Variants in KDM5A observed in about 807,000 individuals in gnomAD.
KDM5A encodes lysine demethylase 5A, also known as lysine-specific demethylase 5A.
KDM5A carries 42 observed loss-of-function variants against 193.5 expected under a neutral mutation model. The ratio of observed to expected loss-of-function variants is 0.22; its 90% CI spans 0.17 to 0.28. KDM5A has a LOEUF of 0.28. Among genes scored for constraint, KDM5A ranks in the 10% least tolerant of loss-of-function variants. The pLI, the probability that KDM5A is intolerant of heterozygous loss-of-function variation, is 1.00. For synonymous variants in KDM5A, 796 were observed against 718.1 expected, an observed-to-expected ratio of 1.11 and a Z score of -1.73; for missense variants, 1,692 against 2,055.1, an observed-to-expected ratio of 0.82 and a Z score of 3.42.
Position 385,974 on chromosome 12 carries a change from C to T in KDM5A, c.166G>A (p.Asp56Asn), listed in dbSNP as rs1431073400. ...TGICKIRPPK[D>N]WQPPFACEVK... The stretch of plus-strand genomic sequence containing the variant: ...TCACAGGCAAATGGAGGCTGCCAGT[C>T]CTAAATAGAAAGATTTTTTTAAAAA... The change falls in exon 2 of 28, where the codon GAC (aspartate) becomes AAC (asparagine). Residue 56 changes from aspartate (D) to asparagine (N), a missense_variant and splice_region_variant. By Grantham distance (23) the Asp-to-Asn change is conservative. This residue lies in a region of KDM5A where 120 missense variants were observed against 172.0 expected (regional missense o/e 0.70). Coordinates refer to ENST00000399788, the MANE Select transcript of KDM5A (RefSeq NM_001042603.3). The T allele has an allele frequency of 2.5e-6, 4 of 1,611,772 alleles. No homozygotes were observed. Among genetic ancestry groups the T allele is most frequent in the Non-Finnish European group, 3.4e-6 (4 of 1,178,248 alleles).
Position 330,085 on chromosome 12 carries a change from G to GTGTGTGTGTGTGTGTATATATATA in KDM5A, c.1774-1057_1774-1056insTATATATATACACACACACACACA, listed in dbSNP as rs377271333. ...TGTGTGTGTGTGTGTGTGTGTGTGTGTATATATATATATCTTATGATTAGC... is the reference window on the plus strand; with the variant it reads ...TGTGTGTGTGTGTGTGTGTGTGTGTGTGTGTGTGTGTGTGTATATATATATATATATATATATCTTATGATTAGC... On this transcript the variant is annotated intron_variant, in intron 13 of 27. Coordinates refer to ENST00000399788, the MANE Select transcript of KDM5A (RefSeq NM_001042603.3). 3.8e-3 allele frequency among the ~76,000 whole-genome samples: 530 copies of GTGTGTGTGTGTGTGTATATATATA among 139,326 alleles called. 4 individuals are homozygous for GTGTGTGTGTGTGTGTATATATATA. Among genetic ancestry groups the GTGTGTGTGTGTGTGTATATATATA allele is most frequent in the African/African-American group, 4.8e-3 (179 of 37,242 alleles). 91.4% of individuals were successfully genotyped at this position (139,326 alleles called of 152,430 possible).
rs1943521841 is a variant in KDM5A, at chr12:307,457, T to C, written c.3927A>G (p.Leu1309=). The C allele has an allele frequency of 6.2e-7, 1 of 1,612,694 alleles. No homozygotes were observed. Residue 1309 remains leucine (L), a synonymous_variant, in exon 23 of 28, where the codon TTA becomes TTG. Transcript: ENST00000399788. The surrounding 1 kb of genome is among the most constrained non-coding windows in gnomAD (Gnocchi z 4.3). ...AGAATGTAAATCCTAAACTTGCCTG[T>C]AAGTCTGGATTGGCAGCTGCTTTTT... ...ELQKAAANPD[L]QGHLPSFQQS...
intron 7 of KDM5A, 38 bp from the exon 8 acceptor site, chr12:354,272 A>G (rs1316971749): frequency 7.1e-7 from 1 of 1,413,722 alleles, no homozygotes; most frequent in Non-Finnish European, 9.8e-7. Flanking sequence ...TATTTTCTAT[A>G]ATAAATAATA....
intron 24 of KDM5A, among the ~76,000 whole-genome samples, chr12:304,273 T>C (rs1943477746): frequency 2.0e-5 from 3 of 152,306 alleles, no homozygotes; most frequent in Admixed American, 2.0e-4. Flanking sequence ...GAGGGGGCTC[T>C]TCCTCAAGCA....
intron 13 of KDM5A, 142 bp from the exon 14 acceptor site, chr12:329,171 T>C: frequency 2.7e-6 from 2 of 734,796 alleles, no homozygotes; most frequent in Admixed American, 2.2e-5. Flanking sequence ...CAATATTCTA[T>C]TAACTGTAAA....
chr12:362,607 C>T (rs952259091), intron 5 of KDM5A, among the ~76,000 whole-genome samples: 10 of 152,184 alleles, frequency 6.6e-5, no homozygotes, highest in African/African-American at 2.4e-4. Flanking sequence ...TATTTGTCAT[C>T]CCTGTCAAAA....
intron 3 of KDM5A, among the ~76,000 whole-genome samples, chr12:370,581 G>C (rs900142813): frequency 6.7e-6 from 1 of 150,216 alleles, no homozygotes; most frequent in African/African-American, 2.4e-5. Flanking sequence ...AAGTAGTATC[G>C]CTCAAGACCA....
intron 3 of KDM5A, among the ~76,000 whole-genome samples, chr12:382,955 C>T (rs961561009): frequency 4.0e-5 from 6 of 151,804 alleles, no homozygotes; most frequent in Non-Finnish European, 8.8e-5. Flanking sequence ...AAAAACATAT[C>T]TCAAGGTTAT....
intron 3 of KDM5A, among the ~76,000 whole-genome samples, chr12:379,093 T>C (rs985993252): frequency 6.6e-6 from 1 of 152,066 alleles, no homozygotes; most frequent in Non-Finnish European, 1.5e-5. Context: ...ACCATCATGC[T>C]GATGACTTAA....
intron 6 of KDM5A, among the ~76,000 whole-genome samples, chr12:355,867 C>T (rs1209522367): frequency 6.6e-6 from 1 of 152,138 alleles, no homozygotes; most frequent in Non-Finnish European, 1.5e-5. Context: ...CTTTGTTAAA[C>T]AGTTTTATAA....
chr12:305,363 T>A (rs1314420362), intron 24 of KDM5A, among the ~76,000 whole-genome samples: 1 of 152,210 alleles, frequency 6.6e-6, no homozygotes, highest in Admixed American at 6.5e-5. Context: ...AAATTCCCAT[T>A]TCTATCTTGA....
chr12:380,984 T>C (rs548379687), intron 3 of KDM5A, among the ~76,000 whole-genome samples: 64 of 116,442 alleles, frequency 5.5e-4, no homozygotes, highest in Non-Finnish European at 9.0e-4. Flanking sequence ...TTAGTAGAGA[T>C]AGGTTTTATT....
At chr12:301,263 G>A (rs1323037450) in intron 24 of KDM5A, among the ~76,000 whole-genome samples, 1 of 152,114 alleles carries the variant, frequency 6.6e-6, no homozygotes, top group Non-Finnish European at 1.5e-5. Flanking sequence ...GATGAACATC[G>A]ATGCAAAAAT....
At position 281,997 on chromosome 12, in the gene KDM5A, A is replaced by G. The variant is rs532286302; in HGVS notation, c.*3459T>C. The G allele has an allele frequency of 1.0e-5, 3 of 290,012 alleles. No individual in the cohort carries two copies. The Admixed American group carries it at 1.6e-4, about 16-fold the overall frequency. The allele number at this position is 290,012 out of a possible 1,614,324, so 18.0% of individuals were successfully genotyped here. ...TACAGCTCAGCCTGCACAGAAGCGC[A>G]GAAGCAAAGCCCAGGCAGAACCATG... On this transcript the variant is annotated 3_prime_UTR_variant, in exon 28 of 28. Coordinates refer to ENST00000399788, the MANE Select transcript of KDM5A (RefSeq NM_001042603.3).
At chr12:293,493 T>A (rs965742217) in intron 26 of KDM5A, among the ~76,000 whole-genome samples, 2 of 152,086 alleles carry the variant, frequency 1.3e-5, no homozygotes, top group Non-Finnish European at 1.5e-5. Flanking sequence ...AAAAAAGATT[T>A]ATGGGCCAGG....
At chr12:304,099 A>C (rs1051775315) in intron 24 of KDM5A, among the ~76,000 whole-genome samples, 1 of 152,212 alleles carries the variant, frequency 6.6e-6, no homozygotes, top group African/African-American at 2.4e-5. Context: ...CCTTGAAATT[A>C]GTTTCCACAA....
chr12:379,795 G>C (rs140638273), intron 3 of KDM5A, among the ~76,000 whole-genome samples: 1 of 152,130 alleles, frequency 6.6e-6, no homozygotes, highest in Non-Finnish European at 1.5e-5. Flanking sequence ...TAAGTTTTCT[G>C]AATATTTAAA....
intron 4 of KDM5A, 122 bp from the exon 5 acceptor site, chr12:363,219 C>T (rs1944314539): frequency 1.8e-6 from 2 of 1,126,976 alleles, no homozygotes; most frequent in Admixed American, 3.8e-5. Flanking sequence ...ATTTCTCAAA[C>T]TGACATACAG....
intron 3 of KDM5A, among the ~76,000 whole-genome samples, chr12:367,769 G>C (rs1426886339): frequency 1.3e-5 from 2 of 151,946 alleles, no homozygotes; most frequent in African/African-American, 4.8e-5. Context: ...GGCCAAGGCA[G>C]GAGGATCAGT....
Sources: allele counts gnomAD v4.1 joint callset (sites outside exome capture counted in the v4.1 genomes callset), GRCh38; gene constraint gnomAD v4.1.1; regional missense constraint gnomAD v4.1.1; non-coding constraint Gnocchi (gnomAD v3.1); transcripts MANE v1.5; gene names NCBI Gene and HGNC (gene_info 2026-07-23, HGNC 2026-07-21).